The following PKHD1L1 variants were observed in gnomAD, a reference collection of about 807,000 sequenced individuals.
PKHD1L1 encodes the protein fibrocystin-L.
PKHD1L1 carries 434 observed loss-of-function variants against 462.9 expected under a neutral mutation model. That is an observed-to-expected ratio of 0.94 (90% CI 0.87 to 1.02). The LOEUF (loss-of-function observed/expected upper bound fraction) is 1.02, where lower values mean the gene tolerates loss of function less well. Ranked by LOEUF, PKHD1L1 falls within the 50% of genes least tolerant of loss-of-function variation. The pLI is 0.00. For synonymous variants in PKHD1L1, 1,781 were observed against 1,750.0 expected (o/e 1.02, Z -0.44); for missense variants, 5,202 against 5,096.1 (o/e 1.02, Z -0.63).
At chr8:109,467,252 T>G (rs1437858304) in intron 50 of PKHD1L1, among the ~76,000 whole-genome samples, 2 of 152,196 alleles carry the variant, frequency 1.3e-5, no homozygotes, top group Non-Finnish European at 2.9e-5. Flanking sequence ...ATTAATTTAC[T>G]GTCATTGTTC....
At position 109,477,321 on chromosome 8, in the gene PKHD1L1, G is replaced by T; in HGVS notation, c.9014G>T (p.Cys3005Phe). The change falls in exon 53 of 78, where the codon TGT becomes TTT. Residue 3005 changes from cysteine (C) to phenylalanine (F), a missense_variant. Cys to Phe is a radical substitution (Grantham distance 205). Coordinates refer to ENST00000378402, the MANE Select transcript of PKHD1L1 (RefSeq NM_177531.6). Reference protein sequence around the residue: ...DVVINFQAYCCILQDCFPVHP... With the variant: ...DVVINFQAYCFILQDCFPVHP... ...GTTATTAATTTCCAAGCTTACTGTT[G>T]TATTCTCCAGGATTGCTTTCCTGTA... 1 of 1,613,438 alleles carries T rather than the reference G, an allele frequency of 6.2e-7. No individual in the cohort carries two copies. The highest frequency in any genetic ancestry group is 8.5e-7 in the Non-Finnish European group (1 of 1,179,618).
At chr8:109,410,726 C>CTTT (rs71303459) in intron 19 of PKHD1L1, among the ~76,000 whole-genome samples, 1,014 of 68,326 alleles carry the variant, frequency 0.015, 247 homozygotes, top group African/African-American at 0.071. Flanking sequence ...TTTTCTTTTT[C>CTTT]TTTTTTTTTT....
At chr8:109,374,642 T>C (rs1356331565) in intron 2 of PKHD1L1, among the ~76,000 whole-genome samples, 1 of 152,232 alleles carries the variant, frequency 6.6e-6, no homozygotes, top group African/African-American at 2.4e-5. Flanking sequence ...CTGGTATTGG[T>C]TGTTCCTTTC....
rs1395536117 is a variant in PKHD1L1 at position 109,385,654 on chromosome 8, A to G, written c.569+24A>G. On this transcript the variant is annotated intron_variant, in intron 6 of 77. Transcript: ENST00000378402. Reference sequence around the variant, plus strand: ...AGGTAATCTTTTGATGTGGAAATATATTCTTATAACTCATAAATGAGAAGT... The same window carrying G: ...AGGTAATCTTTTGATGTGGAAATATGTTCTTATAACTCATAAATGAGAAGT... 5.6e-6 allele frequency: 8 copies of G among 1,425,320 alleles called. No homozygotes were observed. In the Admixed American group the frequency reaches 1.2e-4, roughly 22 times the overall value. The allele number at this position is 1,425,320 out of a possible 1,614,324, so 88.3% of individuals were successfully genotyped here.
chr8:109,503,976 C>G (rs1819564897), intron 67 of PKHD1L1, among the ~76,000 whole-genome samples: 1 of 152,140 alleles, frequency 6.6e-6, no homozygotes, highest in South Asian at 2.1e-4. Context: ...CCCAGGCTTA[C>G]TCATATGTTG....
At chr8:109,430,652 A>T (rs1044675366) in intron 27 of PKHD1L1, among the ~76,000 whole-genome samples, 1 of 152,108 alleles carries the variant, frequency 6.6e-6, no homozygotes, top group African/African-American at 2.4e-5. Context: ...ATAGTAAGGG[A>T]TGGCTTTTTT....
At chr8:109,501,772 C>A (rs1819426995) in intron 67 of PKHD1L1, among the ~76,000 whole-genome samples, 1 of 152,162 alleles carries the variant, frequency 6.6e-6, no homozygotes, top group Admixed American at 6.5e-5. Context: ...ATTTGTTGGA[C>A]AAATCATCCT....
At position 109,534,126 on chromosome 8, in the gene PKHD1L1, A is replaced by C. The variant is rs1313202960; in HGVS notation, c.*4036A>C. ...ATGCCAAGGTTAAAATACCACATGC[A>C]TCTTTGAGTTACTACTATACCCTCC... On this transcript the variant is annotated 3_prime_UTR_variant, in exon 78 of 78. Coordinates refer to ENST00000378402, the MANE Select transcript of PKHD1L1 (RefSeq NM_177531.6). 6.6e-6 allele frequency among the ~76,000 whole-genome samples: 1 copy of C among 152,370 alleles called. No individual in the cohort carries two copies. Among genetic ancestry groups the C allele is most frequent in the Non-Finnish European group, 1.5e-5 (1 of 68,034 alleles).
In PKHD1L1 at chr8:109,444,763, A is replaced by G; in HGVS notation, c.4894A>G (p.Thr1632Ala). 2 of 1,614,000 alleles carry G rather than the reference A, an allele frequency of 1.2e-6. No individual in the cohort carries two copies. The highest frequency in any genetic ancestry group is 1.1e-5 in the South Asian group (1 of 91,088). ...CTCAATGGATGTTGGTATCAGGGAA[A>G]CTGTCACTTTGACTGTCTACAACCT... ...QNSMDVGIRE[T>A]VTLTVYNLGT... The change falls in exon 38 of 78, where the codon ACT becomes GCT. Residue 1632 changes from threonine (T) to alanine (A), a missense_variant. Coordinates refer to ENST00000378402, the MANE Select transcript of PKHD1L1 (RefSeq NM_177531.6).
intron 3 of PKHD1L1, 103 bp downstream of exon 3, chr8:109,381,617 T>C (rs539788775): frequency 1.1e-6 from 1 of 910,806 alleles, no homozygotes; most frequent in African/African-American, 1.7e-5. Flanking sequence ...CTATTATAAA[T>C]AATATTTTTC....
Position 109,435,202 on chromosome 8 carries a change from A to T in PKHD1L1, c.3353A>T (p.Lys1118Met). The T allele has an allele frequency of 6.2e-7, 1 of 1,613,450 alleles. No homozygotes were observed. The change falls in exon 29 of 78, where the codon AAG (lysine) becomes ATG (methionine). Residue 1118 changes from lysine (K) to methionine (M), a missense_variant. Lys to Met is a moderately conservative substitution (Grantham distance 95). Around this residue, in one of 3 missense-constraint regions of PKHD1L1, gnomAD observed 4,497 missense variants for 4,336.8 expected, o/e 1.04. Coordinates refer to ENST00000378402, the MANE Select transcript of PKHD1L1 (RefSeq NM_177531.6). ...SLLSVDEKEL[K>M]CQILNGSAGH... ...TTTTTTTCACAAGAAAAAGAGCTCA[A>T]GTGCCAGATTCTGAATGGAAGTGCT...
chr8:109,418,977 C>T (rs1041743683), intron 21 of PKHD1L1, 120 bp from the exon 22 acceptor site: 2 of 811,686 alleles, frequency 2.5e-6, no homozygotes, highest in African/African-American at 1.7e-5. Flanking sequence ...AATAAAGCTC[C>T]CCTGATGGTC....
intron 75 of PKHD1L1, 108 bp from the exon 76 acceptor site, chr8:109,523,125 A>T: frequency 8.6e-7 from 1 of 1,168,430 alleles, no homozygotes; most frequent in Non-Finnish European, 1.2e-6. Flanking sequence ...GCTTCTGCAG[A>T]TTTTCAATTT....
chr8:109,437,483 TCC>T, intron 30 of PKHD1L1, among the ~76,000 whole-genome samples: 2 of 131,108 alleles, frequency 1.5e-5, no homozygotes, highest in Non-Finnish European at 3.2e-5. Context: ...CCTAATGCTA[TCC>T]CTCCCCCCTC....
In PKHD1L1 at chr8:109,439,112, C is replaced by T. The variant is rs567282116; in HGVS notation, c.3956+20C>T. ...AACAAGGTATGATAATGAACATAAACTTGATGGAGTTGTAGAACACATGGG... is the reference window on the plus strand; with the variant it reads ...AACAAGGTATGATAATGAACATAAATTTGATGGAGTTGTAGAACACATGGG... On this transcript the variant is annotated intron_variant, in intron 32 of 77. Coordinates refer to ENST00000378402, the MANE Select transcript of PKHD1L1 (RefSeq NM_177531.6). 6.2e-7 allele frequency: 1 copy of T among 1,601,060 alleles called. No individual in the cohort carries two copies. The highest frequency in any genetic ancestry group is 8.5e-7 in the Non-Finnish European group (1 of 1,170,846).
chr8:109,445,039 G>A lies in PKHD1L1; in HGVS notation c.5170G>A (p.Val1724Ile), dbSNP rs780651300. 5.0e-6 allele frequency: 8 copies of A among 1,613,958 alleles called. No homozygotes were observed. Among genetic ancestry groups the A allele is most frequent in the Admixed American group, 1.7e-5 (1 of 59,990 alleles). The change falls in exon 38 of 78, where the codon GTA (valine) becomes ATA (isoleucine). Residue 1724 changes from valine to isoleucine, a missense_variant. Val to Ile is a conservative substitution (Grantham distance 29). Coordinates refer to ENST00000378402, the MANE Select transcript of PKHD1L1 (RefSeq NM_177531.6). ...CCCTGCTGCCCAACAGCTTGTGGAT[G>A]TAGATCTTCTAATACATGGAGTGCC... is the stretch of plus-strand genomic sequence containing the variant. ...TSPAAQQLVDVDLLIHGVPAQ... is the reference protein window; with the variant it reads ...TSPAAQQLVDIDLLIHGVPAQ...
chr8:109,482,537 T>C (rs1818323778), intron 56 of PKHD1L1, among the ~76,000 whole-genome samples: 1 of 151,784 alleles, frequency 6.6e-6, no homozygotes, highest in African/African-American at 2.4e-5. Flanking sequence ...GTTCCTTTCA[T>C]AAAACATGGT....
intron 9 of PKHD1L1, among the ~76,000 whole-genome samples, chr8:109,391,500 A>G (rs1280749701): frequency 6.6e-6 from 1 of 152,180 alleles, no homozygotes; most frequent in Non-Finnish European, 1.5e-5. Flanking sequence ...GTAACTGGGT[A>G]TGTTAATGGC....
chr8:109,385,405 A>G lies in PKHD1L1; in HGVS notation c.476-132A>G, dbSNP rs1812386538. The G allele has an allele frequency of 4.0e-5, 22 of 546,648 alleles. No individual in the cohort carries two copies. In the South Asian group the frequency reaches 6.0e-4, roughly 15 times the overall value. 33.9% of individuals were successfully genotyped at this position (546,648 alleles called of 1,614,324 possible). A position where few individuals can be genotyped will look rare whatever the true frequency, so the allele number is the denominator to read the frequency against. On this transcript the variant is annotated intron_variant, in intron 5 of 77. Transcript: ENST00000378402. ...GCTAGAACTTTCAGAACAATGCTAAACAATAGTGGCAAACATGAGGTATAA... is the reference window on the plus strand; with the variant it reads ...GCTAGAACTTTCAGAACAATGCTAAGCAATAGTGGCAAACATGAGGTATAA...
Sources: allele counts gnomAD v4.1 joint callset (sites outside exome capture counted in the v4.1 genomes callset), GRCh38; gene constraint gnomAD v4.1.1; regional missense constraint gnomAD v4.1.1; transcripts MANE v1.5; gene names NCBI Gene and HGNC (gene_info 2026-07-23, HGNC 2026-07-21).